The following DFFB variants were observed in gnomAD, a reference collection of about 807,000 sequenced individuals.
DFFB encodes the protein DNA fragmentation factor subunit beta.
Under a neutral mutation model 32.7 loss-of-function variants are expected in DFFB, and 29 were observed. That is an observed-to-expected ratio of 0.89 (90% confidence interval 0.66 to 1.21). The LOEUF (loss-of-function observed/expected upper bound fraction) is 1.21. Ranked by LOEUF, DFFB falls within the 50% of genes most tolerant of loss-of-function variation. DFFB has a pLI of 0.00. For missense variants in DFFB, 398 were observed against 440.6 expected (o/e 0.90, Z 0.87); for synonymous variants, 170 against 177.1 (o/e 0.96, Z 0.32).
intron 1 of DFFB, 29 bp from the exon 2 acceptor site, chr1:3,858,689 T>A: frequency 6.2e-7 from 1 of 1,610,228 alleles, no homozygotes; most frequent in Non-Finnish European, 8.5e-7. Context: ...AGACCCTTCC[T>A]CCTCCTGTTG....
chr1:3,883,000 G>A (rs4382652), intron 6 of DFFB, among the ~76,000 whole-genome samples: 147,860 of 150,216 alleles, frequency 0.98, 72,778 homozygotes, highest in Middle Eastern at 1. Context: ...ACAGTGACAC[G>A]AGTCTTTTTT....
Position 3,872,458 on chromosome 1 carries a change from C to G in DFFB, c.682-14C>G, listed in dbSNP as rs1051020637. On this transcript the variant is annotated splice_polypyrimidine_tract_variant and intron_variant, in intron 5 of 6. Transcript: ENST00000378209. ...TCACTTTCTGGCCTTCCCTCATTGT[C>G]TTTTGGCCCCCAGGGTCCCTTTGAC... The G allele has an allele frequency of 6.2e-7, 1 of 1,603,680 alleles. No individual in the cohort carries two copies. The highest frequency in any genetic ancestry group is 8.5e-7 in the Non-Finnish European group (1 of 1,171,044).
rs185631375 is a variant in DFFB, at chr1:3,872,587, C to T, written c.782+15C>T. 3.4e-4 allele frequency: 543 copies of T among 1,579,930 alleles called. No individual in the cohort carries two copies. Among genetic ancestry groups the T allele is most frequent in the African/African-American group, 1.9e-3 (129 of 68,128 alleles). ...CTGGATCACATGTAAGCTCACAGAG[C>T]GAGGTTCAGACCCACGAGTGCCTGC... is the stretch of plus-strand genomic sequence containing the variant. On this transcript the variant is annotated intron_variant, in intron 6 of 6. Transcript: ENST00000378209.
chr1:3,871,652 G>A (rs569234960), intron 5 of DFFB, among the ~76,000 whole-genome samples: 3 of 152,328 alleles, frequency 2.0e-5, no homozygotes, highest in African/African-American at 7.2e-5. Context: ...CCCCCACGGG[G>A]TGCGTCTCTC....
intron 6 of DFFB, among the ~76,000 whole-genome samples, chr1:3,882,688 G>A (rs12075759): frequency 0.074 from 11,301 of 152,120 alleles, 779 homozygotes; most frequent in African/African-American, 0.17. Context: ...AAACAGATAC[G>A]CATATATGCA....
Position 3,857,673 on chromosome 1 carries a change from C to G in DFFB, c.70C>G (p.Arg24Gly). Residue 24 changes from arginine (R) to glycine (G), a missense_variant, in exon 1 of 7, where the codon CGG becomes GGG. Coordinates refer to ENST00000378209, the MANE Select transcript of DFFB (RefSeq NM_004402.4). ...RSPRKFGVAG[R>G]SCQEVLRKGC... ...CCCGAGGAAGTTCGGCGTGGCTGGC[C>G]GGAGCTGCCAGGAGGTGCTGCGCAA... is the stretch of plus-strand genomic sequence containing the variant. 1 of 1,594,270 alleles carries G rather than the reference C, an allele frequency of 6.3e-7. No individual in the cohort carries two copies. Among genetic ancestry groups the G allele is most frequent in the South Asian group, 1.1e-5 (1 of 87,896 alleles).
intron 6 of DFFB, 47 bp downstream of exon 6, chr1:3,872,619 C>T (rs1227057935): frequency 6.5e-7 from 1 of 1,527,128 alleles, no homozygotes; most frequent in Non-Finnish European, 9.1e-7. Context: ...CTGCAGGGCC[C>T]TGTCCCTGCC....
chr1:3,877,538 C>T (rs1235642666), intron 6 of DFFB, among the ~76,000 whole-genome samples: 4 of 151,614 alleles, frequency 2.6e-5, no homozygotes, highest in African/African-American at 9.7e-5. Flanking sequence ...CCATGTTGGC[C>T]GAGCTGGTCT....
chr1:3,865,011 G>A lies in DFFB; in HGVS notation c.242-801G>A, dbSNP rs2124733825. On this transcript the variant is annotated intron_variant, in intron 2 of 6. Transcript: ENST00000378209. This position sits in a 1 kb window ranked among gnomAD's most constrained non-coding sequence, Gnocchi z 4.7. ...CCACAAACAAAATACCTGGACATGA[G>A]TTCTTTGTCAGACATGTGGTTTGCA... is the stretch of plus-strand genomic sequence containing the variant. 6.6e-6 allele frequency among the ~76,000 whole-genome samples: 1 copy of A among 152,146 alleles called. No individual in the cohort carries two copies. Among genetic ancestry groups the A allele is most frequent in the Non-Finnish European group, 1.5e-5 (1 of 68,014 alleles).
chr1:3,875,265 G>C (rs914547947), intron 6 of DFFB, among the ~76,000 whole-genome samples: 1 of 152,248 alleles, frequency 6.6e-6, no homozygotes, highest in Admixed American at 6.5e-5. Flanking sequence ...TATTTAAAGT[G>C]TGGTTACTTT....
At chr1:3,881,115 G>A (rs1467567285) in intron 6 of DFFB, among the ~76,000 whole-genome samples, 1 of 152,218 alleles carries the variant, frequency 6.6e-6, no homozygotes, top group Admixed American at 6.5e-5. Flanking sequence ...GCCTGCTTGT[G>A]TGGGGGACTT....
chr1:3,862,260 CTT>C, intron 2 of DFFB, among the ~76,000 whole-genome samples: 1 of 152,292 alleles, frequency 6.6e-6, no homozygotes, highest in Admixed American at 6.5e-5. Context: ...GATTGGAAAA[CTT>C]AACATTGTTA....
In DFFB at chr1:3,883,708, G is replaced by A. The variant is rs77942390; in HGVS notation, c.984G>A (p.Leu328=). ...PSRIYKPQTR[L]KRKQPVRKRQ is the part of the protein sequence containing the mutation. The stretch of plus-strand genomic sequence containing the variant: ...GAATCTACAAACCCCAGACAAGGTT[G>A]AAGCGGAAGCAGCCTGTGCGGAAAC... The change falls in exon 7 of 7, where the codon TTG becomes TTA. Residue 328 remains leucine (L), a synonymous_variant. Transcript: ENST00000378209. 6.9e-5 allele frequency: 111 copies of A among 1,614,178 alleles called. 1 individual carries two copies. In the African/African-American group the frequency reaches 1.2e-3, roughly 18 times the overall value.
At chr1:3,863,581 C>A (rs549628451) in intron 2 of DFFB, among the ~76,000 whole-genome samples, 1 of 152,306 alleles carries the variant, frequency 6.6e-6, no homozygotes, top group African/African-American at 2.4e-5. Context: ...TAGCTTTATT[C>A]ATAATAGCCA....
chr1:3,870,617 G>A lies in DFFB; in HGVS notation c.681+842G>A, dbSNP rs115341212. Among the ~76,000 whole-genome samples, 269 of 152,328 alleles carry A rather than the reference G, an allele frequency of 1.8e-3. 2 individuals are homozygous for A. Among genetic ancestry groups the A allele is most frequent in the African/African-American group, 6.3e-3 (261 of 41,580 alleles). On this transcript the variant is annotated intron_variant, in intron 5 of 6. Transcript: ENST00000378209. ...GAAAAATCCTTCATCCCTGATGGCA[G>A]GGTGAGTCCTGCACAATGGAAGGTG...
At chr1:3,881,399 C>T (rs1645334569) in intron 6 of DFFB, among the ~76,000 whole-genome samples, 1 of 152,232 alleles carries the variant, frequency 6.6e-6, no homozygotes, top group Non-Finnish European at 1.5e-5. Context: ...TTTCTATCCC[C>T]CTTAATGGCT....
chr1:3,877,450 C>T (rs1053066227), intron 6 of DFFB, among the ~76,000 whole-genome samples: 10 of 151,526 alleles, frequency 6.6e-5, no homozygotes, highest in Admixed American at 2.0e-4. Flanking sequence ...ATGCCTCAGC[C>T]TCCCAAGTAG....
rs1270899224 is a variant in DFFB, at chr1:3,859,951, C to CCTCTGT, written c.241+1119_241+1124dup. Among the ~76,000 whole-genome samples, 3 of 152,238 alleles carry CCTCTGT rather than the reference C, an allele frequency of 2.0e-5. 1 individual carries two copies. In the South Asian group the frequency reaches 6.2e-4, roughly 32 times the overall value. On this transcript the variant is annotated intron_variant, in intron 2 of 6. Coordinates refer to ENST00000378209, the MANE Select transcript of DFFB (RefSeq NM_004402.4). ...TGCATCTCGCAGTCTCTGTCTCTCT[C>CCTCTGT]CTCTGTCTCTGTCTCTGGCTCTCTC... is the stretch of plus-strand genomic sequence containing the variant.
At chr1:3,883,170 A>T (rs986407576) in intron 6 of DFFB, among the ~76,000 whole-genome samples, 3 of 151,946 alleles carry the variant, frequency 2.0e-5, no homozygotes, top group Non-Finnish European at 4.4e-5. Flanking sequence ...AGCCCAGCCA[A>T]TTTTTTGTAT....
Sources: gnomAD v4.1 joint callset for allele counts (sites outside exome capture counted in the v4.1 genomes callset) on GRCh38, gnomAD v4.1.1 for gene constraint, Gnocchi (gnomAD v3.1) non-coding constraint, MANE v1.5 for transcripts, NCBI Gene and HGNC (gene_info 2026-07-23, HGNC 2026-07-21) for gene names.